Variants in JAK1 observed in about 807,000 individuals in gnomAD.
JAK1 encodes Janus kinase 1.
A neutral mutation model predicts 136.6 loss-of-function variants in JAK1; 16 were observed. The observed-to-expected ratio is 0.12, with a 90% CI of 0.08 to 0.18. The LOEUF is 0.18. JAK1 is among the 10% of genes least tolerant of loss of function. JAK1 has a pLI of 1.00. For synonymous variants in JAK1, 492 were observed against 519.5 expected (o/e 0.95, Z 0.72); for missense variants, 859 against 1,450.1 (o/e 0.59, Z 6.62).
intron 1 of JAK1, among the ~76,000 whole-genome samples, chr1:64,939,136 A>G (rs1396223561): frequency 6.6e-6 from 1 of 152,212 alleles, no homozygotes; most frequent in Non-Finnish European, 1.5e-5. Flanking sequence ...CTGAAAGACA[A>G]TAACATATTT....
intron 2 of JAK1, among the ~76,000 whole-genome samples, chr1:65,025,094 A>G (rs1468223440): frequency 6.6e-6 from 1 of 152,210 alleles, no homozygotes; most frequent in Non-Finnish European, 1.5e-5. Context: ...AGATGGCTAT[A>G]GCAGCTCCAG....
chr1:64,941,912 G>A (rs1239652207), intron 1 of JAK1: 1 of 152,156 alleles, frequency 6.6e-6, no homozygotes, highest in African/African-American at 2.4e-5. Context: ...CCCAGAGAAA[G>A]CCCTAGAGAA....
rs1487687646 is a variant in JAK1, at chr1:64,838,525, T to C, written c.2907A>G (p.Pro969=). The change falls in exon 21 of 25, where the codon CCA becomes CCG. Residue 969 remains proline, a synonymous_variant. Transcript: ENST00000342505. ...TGAGGTTTATTTTGTTCTTATTCTT[T>C]GGAAGATATTCCTTAAGGCTTCCCG... ...LPSGSLKEYL[P]KNKNKINLKQ... is the part of the protein sequence containing the mutation. 2 of 1,613,968 alleles carry C rather than the reference T, an allele frequency of 1.2e-6. No homozygotes were observed. Among genetic ancestry groups the C allele is most frequent in the South Asian group, 2.2e-5 (2 of 91,086 alleles).
intron 12 of JAK1, among the ~76,000 whole-genome samples, chr1:64,849,656 G>C (rs1655463355): frequency 6.6e-6 from 1 of 152,282 alleles, no homozygotes; most frequent in African/African-American, 2.4e-5. Flanking sequence ...TGCTGAAGCA[G>C]CAATCGTGCC....
At chr1:64,983,012 C>A (rs149049252) in intron 2 of JAK1, among the ~76,000 whole-genome samples, 11 of 152,264 alleles carry the variant, frequency 7.2e-5, no homozygotes, top group Admixed American at 7.2e-4. Context: ...GACGCCTCAA[C>A]AACCAGAGGG....
At chr1:64,879,306 G>A (rs1248530261) in intron 3 of JAK1, among the ~76,000 whole-genome samples, 158 bp from the exon 4 acceptor site, 3 of 152,116 alleles carry the variant, frequency 2.0e-5, no homozygotes, top group East Asian at 1.9e-4. Context: ...GACCAGGTTC[G>A]GTCAGGCTGT....
intron 8 of JAK1, among the ~76,000 whole-genome samples, chr1:64,861,783 G>T (rs544458711): frequency 6.6e-6 from 1 of 152,100 alleles, no homozygotes; most frequent in Non-Finnish European, 1.5e-5. Context: ...GAGAGGGCAG[G>T]GTCACCATAG....
In JAK1 at chr1:65,058,247, C is replaced by T. The variant is rs1363167973; in HGVS notation, c.-181+9357G>A. On this transcript the variant is annotated intron_variant, in intron 1 of 25. Coordinates refer to the JAK1 transcript ENST00000671954. ...TTCACTCAGCACAACATGGCTGCAC[C>T]AACAACTACCCCATGTTACAAAACA... Among the ~76,000 whole-genome samples, 3 of 152,132 alleles carry T rather than the reference C, an allele frequency of 2.0e-5. No individual in the cohort carries two copies. In the East Asian group the frequency reaches 5.8e-4, roughly 29 times the overall value.
At chr1:64,966,860 C>G (rs1352842619), upstream of JAK1, among the ~76,000 whole-genome samples, 2 of 152,098 alleles carry the variant, frequency 1.3e-5, no homozygotes, top group African/African-American at 4.8e-5. Context: ...CCTCCCAGCT[C>G]TGGAGCCCCC....
intron 1 of JAK1, among the ~76,000 whole-genome samples, chr1:65,065,396 A>C (rs554072610): frequency 3.9e-5 from 6 of 152,306 alleles, no homozygotes; most frequent in African/African-American, 1.4e-4. Context: ...TAAACATCTA[A>C]TAAATGAAAA....
chr1:64,846,662 GAC>G lies in JAK1; in HGVS notation c.1972_1973del (p.Val658ProfsTer50), dbSNP rs1655252047. On this transcript the variant is annotated frameshift_variant, in exon 14 of 25. Transcript: ENST00000342505. LOFTEE classifies it high-confidence loss of function. The part of the protein sequence containing the change: ...KHIVYLYGVC[V>X]RDVENIMVEE... ...GAACACACTTACTCTCCACGTCGCG[GAC>G]ACAGACGCCATAGAGGTACACGATG... 1 of 1,613,676 alleles carries G rather than the reference GAC, an allele frequency of 6.2e-7. No homozygotes were observed. The highest frequency in any genetic ancestry group is 1.1e-5 in the South Asian group (1 of 91,062).
chr1:64,844,049 G>C lies in JAK1; in HGVS notation c.2403+15C>G, dbSNP rs530458417. Reference sequence around the variant, plus strand: ...AGCCCTCACTTGCCTCACGCCCCGGGAAACACCTGCTCACCTCAATCAGCG... The same window carrying C: ...AGCCCTCACTTGCCTCACGCCCCGGCAAACACCTGCTCACCTCAATCAGCG... On this transcript the variant is annotated intron_variant, in intron 17 of 24. Coordinates refer to ENST00000342505, the MANE Select transcript of JAK1 (RefSeq NM_002227.4). This position sits in a 1 kb window ranked among gnomAD's most constrained non-coding sequence, Gnocchi z 5.7. The C allele has an allele frequency of 3.1e-6, 5 of 1,613,452 alleles. No homozygotes were observed. The South Asian group carries it at 3.3e-5, about 11-fold the overall frequency.
intron 2 of JAK1, among the ~76,000 whole-genome samples, chr1:65,027,347 C>T (rs1646986975): frequency 6.6e-6 from 1 of 152,066 alleles, no homozygotes; most frequent in African/African-American, 2.4e-5. Flanking sequence ...GCCACTGCAC[C>T]CAGCCAATTA....
rs1557627533 is a variant in JAK1 at position 64,845,609 on chromosome 1, A to T, written c.2019T>A (p.Gly673=). 2 of 1,613,868 alleles carry T rather than the reference A, an allele frequency of 1.2e-6. No homozygotes were observed. The highest frequency in any genetic ancestry group is 1.7e-6 in the Non-Finnish European group (2 of 1,179,954). ...TCCGGTGCATGAAGAGATCCAGAGGACCCCCTTCCACAAACTCTTCCACCA... is the reference window on the plus strand; with the variant it reads ...TCCGGTGCATGAAGAGATCCAGAGGTCCCCCTTCCACAAACTCTTCCACCA... ...NIMVEEFVEG[G]PLDLFMHRKS... Residue 673 remains glycine, a synonymous_variant, in exon 15 of 25, where the codon GGT becomes GGA. Transcript: ENST00000342505.
chr1:65,060,669 G>A (rs1412754574), intron 1 of JAK1, among the ~76,000 whole-genome samples: 2 of 152,020 alleles, frequency 1.3e-5, no homozygotes, highest in Admixed American at 1.3e-4. Context: ...TCATTATTCT[G>A]TGAATGGTTA....
chr1:64,893,098 T>C lies in JAK1; in HGVS notation c.-77-6757A>G, dbSNP rs920257841. Reference sequence around the variant, plus strand: ...GGAATCTGCTCTCAGTTTTCAGAAATGGAGAAGACTGAAAAAGAGAGAGGA... The same window carrying C: ...GGAATCTGCTCTCAGTTTTCAGAAACGGAGAAGACTGAAAAAGAGAGAGGA... On this transcript the variant is annotated intron_variant, in intron 1 of 24. Transcript: ENST00000342505. Among the ~76,000 whole-genome samples, 7 of 150,880 alleles carry C rather than the reference T, an allele frequency of 4.6e-5. No individual in the cohort carries two copies. In the East Asian group the frequency reaches 5.9e-4, roughly 13 times the overall value.
At chr1:64,932,610 T>A (rs1284570785) in intron 1 of JAK1, among the ~76,000 whole-genome samples, 1 of 152,194 alleles carries the variant, frequency 6.6e-6, no homozygotes, top group Non-Finnish European at 1.5e-5. Flanking sequence ...GGGCTTTAAT[T>A]TTCATTTTGA....
At chr1:64,835,980 C>T (rs1312826322) in intron 23 of JAK1, 118 bp downstream of exon 23, 1 of 671,036 alleles carries the variant, frequency 1.5e-6, no homozygotes, top group Non-Finnish European at 2.7e-6. Context: ...GGGAAAGTGA[C>T]ATTTTCCATT....
At chr1:65,026,970 T>C (rs755182864) in intron 2 of JAK1, among the ~76,000 whole-genome samples, 1 of 152,026 alleles carries the variant, frequency 6.6e-6, no homozygotes, top group African/African-American at 2.4e-5. Flanking sequence ...AAACCATTTT[T>C]TTTAAATAAG....
Sources: gnomAD v4.1 joint callset for allele counts (sites outside exome capture counted in the v4.1 genomes callset) on GRCh38, gnomAD v4.1.1 for gene constraint, Gnocchi (gnomAD v3.1) non-coding constraint, MANE v1.5 for transcripts, NCBI Gene and HGNC (gene_info 2026-07-23, HGNC 2026-07-21) for gene names.